The following LILRB1 variants were observed in gnomAD, a reference collection of about 807,000 sequenced individuals.
LILRB1 encodes the protein leukocyte immunoglobulin-like receptor subfamily B member 1.
LILRB1 carries 59 observed loss-of-function variants against 74.6 expected under a neutral mutation model. The ratio of observed to expected loss-of-function variants is 0.79; its 90% CI spans 0.64 to 0.98. The LOEUF is 0.98. Among genes scored for constraint, LILRB1 ranks in the 50% least tolerant of loss-of-function variants. The probability of loss-of-function intolerance (pLI) is 0.00; values close to 1 mark genes in which losing one functional copy is unlikely to be tolerated. For synonymous variants in LILRB1, 328 were observed against 333.9 expected (o/e 0.98, Z 0.19); for missense variants, 804 against 822.6 (o/e 0.98, Z 0.28).
chr19:54,619,261 G>C (rs1293991082), intron 1 of LILRB1, among the ~76,000 whole-genome samples: 2 of 152,178 alleles, frequency 1.3e-5, no homozygotes, highest in Non-Finnish European at 1.5e-5. Flanking sequence ...GTTCAAGAAA[G>C]AGGGATATTT....
At chr19:54,623,499 T>G (rs980510854) in intron 1 of LILRB1, among the ~76,000 whole-genome samples, 6 of 152,230 alleles carry the variant, frequency 3.9e-5, no homozygotes, top group Non-Finnish European at 7.3e-5. Context: ...TGGCGTTGGT[T>G]GTAATGTCAA....
At chr19:54,620,061 A>T (rs1600308759) in intron 1 of LILRB1, among the ~76,000 whole-genome samples, 1 of 152,156 alleles carries the variant, frequency 6.6e-6, no homozygotes, top group East Asian at 1.9e-4. Context: ...TTGCAAAAAA[A>T]AAAGTAGGTT....
chr19:54,633,787 C>A, intron 8 of LILRB1, 99 bp downstream of exon 8: 2 of 1,486,284 alleles, frequency 1.3e-6, no homozygotes, highest in Non-Finnish European at 1.8e-6. Flanking sequence ...ACTCGAGCTT[C>A]CCTCCAGGGA....
intron 1 of LILRB1, among the ~76,000 whole-genome samples, chr19:54,620,378 G>A (rs2063423314): frequency 6.6e-6 from 1 of 151,722 alleles, no homozygotes; most frequent in African/African-American, 2.4e-5. Flanking sequence ...TTTTTGAGAT[G>A]GAGTCTTGCT....
chr19:54,637,247 G>A lies in LILRB1; in HGVS notation c.*369G>A. The A allele has an allele frequency of 4.5e-6, 1 of 220,648 alleles. No individual in the cohort carries two copies. The highest frequency in any genetic ancestry group is 9.1e-6 in the Non-Finnish European group (1 of 110,402). 13.7% of individuals were successfully genotyped at this position (220,648 alleles called of 1,614,324 possible). The stretch of plus-strand genomic sequence containing the variant: ...TTGGCTTTCCTATAAGAAATTTAGG[G>A]CAGGGCACGGTGGCTCACGCCTGTA... On this transcript the variant is annotated 3_prime_UTR_variant, in exon 15 of 15. Transcript: ENST00000324602.
At chr19:54,629,760 C>T (rs1311401175), upstream of LILRB1, among the ~76,000 whole-genome samples, 3 of 152,262 alleles carry the variant, frequency 2.0e-5, no homozygotes, top group Non-Finnish European at 2.9e-5. Context: ...CCCTAATGAG[C>T]CCTTGATGGT....
chr19:54,634,556 G>A (rs1170843116), intron 9 of LILRB1, 85 bp from the exon 10 acceptor site: 21 of 1,525,868 alleles, frequency 1.4e-5, no homozygotes, highest in Non-Finnish European at 1.6e-5. Flanking sequence ...TGGAGGTGGT[G>A]AACAGAAGGT....
chr19:54,624,706 G>C (rs1276043929), intron 1 of LILRB1, among the ~76,000 whole-genome samples: 2 of 152,164 alleles, frequency 1.3e-5, no homozygotes, highest in Non-Finnish European at 2.9e-5. Flanking sequence ...GAGTCCTGAA[G>C]GGGCTGGACT....
In LILRB1 at chr19:54,635,624, C is replaced by A; in HGVS notation, c.1653+15C>A. On this transcript the variant is annotated intron_variant, in intron 13 of 14. Transcript: ENST00000324602. Reference sequence around the variant, plus strand: ...TGGACACTCGGGTGAGACCCCACCCCTGTCCCAGGCACCAAAGGCCTCCTG... The same window carrying A: ...TGGACACTCGGGTGAGACCCCACCCATGTCCCAGGCACCAAAGGCCTCCTG... The A allele has an allele frequency of 6.2e-7, 1 of 1,613,784 alleles. No homozygotes were observed. The highest frequency in any genetic ancestry group is 8.5e-7 in the Non-Finnish European group (1 of 1,179,920).
At chr19:54,627,536 G>A (rs2002261), upstream of LILRB1, among the ~76,000 whole-genome samples, 91,389 of 151,938 alleles carry the variant, frequency 0.6, 28,226 homozygotes, top group South Asian at 0.7. Context: ...CTGCTTTGAC[G>A]AGGTTTATCA....
chr19:54,631,175 C>T (rs2063804132), intron 2 of LILRB1, 68 bp downstream of exon 2: 1 of 1,613,974 alleles, frequency 6.2e-7, no homozygotes, highest in South Asian at 1.1e-5. Context: ...AAACTCTTGT[C>T]CCTAAGGAGA....
At chr19:54,636,199 A>T in intron 13 of LILRB1, 1 of 592,408 alleles carries the variant, frequency 1.7e-6, no homozygotes, top group Non-Finnish European at 3.1e-6. Context: ...GGGGCACACG[A>T]TCCTCTGATG....
upstream of LILRB1, among the ~76,000 whole-genome samples, chr19:54,627,206 G>A (rs1209803621): frequency 6.6e-6 from 1 of 152,300 alleles, no homozygotes; most frequent in South Asian, 2.1e-4. Context: ...GCATCCCCAA[G>A]TACTGATAAA....
intron 13 of LILRB1, chr19:54,636,073 C>T (rs374662031): frequency 1.8e-6 from 1 of 544,562 alleles, no homozygotes; most frequent in Non-Finnish European, 3.6e-6. Context: ...AGGAGTGCAA[C>T]GTGCTGTAAG....
At chr19:54,617,820 G>A (rs956416771) in intron 1 of LILRB1, among the ~76,000 whole-genome samples, 1 of 151,994 alleles carries the variant, frequency 6.6e-6, no homozygotes, top group African/African-American at 2.4e-5. Flanking sequence ...AGTTTGAAAG[G>A]GTTGGGCGTG....
chr19:54,635,583 G>A lies in LILRB1; in HGVS notation c.1627G>A (p.Glu543Lys). The change falls in exon 13 of 15, where the codon GAG becomes AAG. Residue 543 changes from glutamate (E) to lysine (K), a missense_variant. Glu to Lys is a moderately conservative substitution (Grantham distance 56). Coordinates refer to ENST00000324602, the MANE Select transcript of LILRB1 (RefSeq NM_001081637.3). ...LYAAVKHTQP[E>K]DGVEMDTRQS... ...TGCTGCCGTGAAGCACACACAGCCT[G>A]AGGATGGGGTGGAGATGGACACTCG... 1 of 1,613,982 alleles carries A rather than the reference G, an allele frequency of 6.2e-7. No homozygotes were observed.
At chr19:54,630,217 A>G (rs1426535894), upstream of LILRB1, among the ~76,000 whole-genome samples, 1 of 146,958 alleles carries the variant, frequency 6.8e-6, no homozygotes, top group Non-Finnish European at 1.5e-5. Flanking sequence ...GAATAAATAT[A>G]ACTCCCCCCC....
upstream of LILRB1, among the ~76,000 whole-genome samples, chr19:54,629,269 A>G (rs1270701339): frequency 6.6e-6 from 1 of 152,184 alleles, no homozygotes; most frequent in Non-Finnish European, 1.5e-5. Context: ...TGGTGCATGT[A>G]GCGGGTACTG....
At chr19:54,634,093 A>G (rs2064171756) in intron 9 of LILRB1, 72 bp downstream of exon 9, 2 of 1,551,814 alleles carry the variant, frequency 1.3e-6, no homozygotes, top group African/African-American at 2.7e-5. Context: ...TCCTAGGTTC[A>G]GTCTCCTCTG....
Sources: gnomAD v4.1 joint callset for allele counts (sites outside exome capture counted in the v4.1 genomes callset) on GRCh38, gnomAD v4.1.1 for gene constraint, MANE v1.5 for transcripts, NCBI Gene and HGNC (gene_info 2026-07-23, HGNC 2026-07-21) for gene names.